SLC37A1: variants seen among roughly 807,000 people sequenced by gnomAD.
SLC37A1 encodes glucose-6-phosphate exchanger SLC37A1.
SLC37A1 carries 49 observed loss-of-function variants against 75.3 expected under a neutral mutation model. The ratio of observed to expected loss-of-function variants is 0.65; its 90% CI spans 0.52 to 0.83. SLC37A1 has a LOEUF of 0.83. Among genes scored for constraint, SLC37A1 ranks in the 40% least tolerant of loss-of-function variants. The pLI is 0.00. For missense variants in SLC37A1, 566 were observed against 695.0 expected (o/e 0.81, Z 2.09); for synonymous variants, 268 against 292.1 (o/e 0.92, Z 0.84).
intron 11 of SLC37A1, among the ~76,000 whole-genome samples, chr21:42,559,642 G>A (rs377755012): frequency 2.6e-4 from 40 of 152,240 alleles, no homozygotes; most frequent in African/African-American, 6.3e-4. Flanking sequence ...TTGGGAGGCC[G>A]AGGCAGGCAG....
intron 19 of SLC37A1, 121 bp downstream of exon 19, chr21:42,579,921 C>T (rs1315901343): frequency 2.1e-5 from 18 of 863,330 alleles, no homozygotes; most frequent in African/African-American, 6.7e-5. Flanking sequence ...TATCTTTTCA[C>T]GGCACGCCAC....
rs1175239848 is a variant in SLC37A1, at chr21:42,552,441, G to A, written c.769-1621G>A. Among the ~76,000 whole-genome samples, 1 of 152,236 alleles carries A rather than the reference G, an allele frequency of 6.6e-6. No individual in the cohort carries two copies. Among genetic ancestry groups the A allele is most frequent in the African/African-American group, 2.4e-5 (1 of 41,464 alleles). ...GGATGATGTGGGGTGTGCGTGTTGA[G>A]TGTCAGGGACACAGACTCCTCTTGT... On this transcript the variant is annotated intron_variant, in intron 9 of 19. Coordinates refer to ENST00000352133, the MANE Select transcript of SLC37A1 (RefSeq NM_001320537.2). The surrounding 1 kb of genome is among the most constrained non-coding windows in gnomAD (Gnocchi z 4.2).
At chr21:42,533,840 A>T (rs1740516852) in intron 3 of SLC37A1, among the ~76,000 whole-genome samples, 1 of 151,652 alleles carries the variant, frequency 6.6e-6, no homozygotes. Flanking sequence ...CAGTCACCAA[A>T]CTCCAGGGCG....
chr21:42,512,571 G>A (rs1237230914), upstream of SLC37A1, among the ~76,000 whole-genome samples: 1 of 152,210 alleles, frequency 6.6e-6, no homozygotes, highest in Non-Finnish European at 1.5e-5. Context: ...TGGAGAGCTA[G>A]AAAAGAGAGG....
intron 2 of SLC37A1, among the ~76,000 whole-genome samples, chr21:42,503,557 G>A (rs1205207775): frequency 6.6e-6 from 1 of 152,010 alleles, no homozygotes; most frequent in African/African-American, 2.4e-5. Flanking sequence ...CCTCCATTTT[G>A]TTTTTAAGAA....
chr21:42,555,569 GTACT>G (rs1217194273), intron 10 of SLC37A1, among the ~76,000 whole-genome samples: 2 of 152,062 alleles, frequency 1.3e-5, no homozygotes, highest in African/African-American at 2.4e-5. Context: ...TTTAAAATCT[GTACT>G]TACTTCTGAA....
Position 42,580,383 on chromosome 21 carries a change from G to C in SLC37A1, c.*23G>C. The C allele has an allele frequency of 6.2e-7, 1 of 1,612,272 alleles. No individual in the cohort carries two copies. The stretch of plus-strand genomic sequence containing the variant: ...TGACACCCCACCCCAGTCCCGTGGA[G>C]GGGGTCTGGGCCCACCCTTCACAAC... On this transcript the variant is annotated 3_prime_UTR_variant, in exon 20 of 20. Coordinates refer to ENST00000352133, the MANE Select transcript of SLC37A1 (RefSeq NM_001320537.2).
At chr21:42,579,349 C>T (rs773486563) in intron 18 of SLC37A1, among the ~76,000 whole-genome samples, 1 of 152,238 alleles carries the variant, frequency 6.6e-6, no homozygotes. Context: ...CTGGGCCACC[C>T]GCATTATGGT....
chr21:42,580,478 C>A lies in SLC37A1; in HGVS notation c.*118C>A. 2 of 1,147,366 alleles carry A rather than the reference C, an allele frequency of 1.7e-6. No homozygotes were observed. Among genetic ancestry groups the A allele is most frequent in the Non-Finnish European group, 2.5e-6 (2 of 811,900 alleles). 71.1% of individuals were successfully genotyped at this position (1,147,366 alleles called of 1,614,324 possible). ...GTGACCTCCCTTTGCCTTTTGCACA[C>A]GCACCTGGAAAAGACACAGAAGCCA... On this transcript the variant is annotated 3_prime_UTR_variant, in exon 20 of 20. Coordinates refer to ENST00000352133, the MANE Select transcript of SLC37A1 (RefSeq NM_001320537.2).
chr21:42,508,766 A>G (rs2054408197), intron 2 of SLC37A1: 1 of 152,188 alleles, frequency 6.6e-6, no homozygotes, highest in East Asian at 1.9e-4. Flanking sequence ...CTCAGTTACT[A>G]TTTCCCTTGC....
Position 42,534,765 on chromosome 21 carries a change from A to C in SLC37A1, c.206A>C (p.Lys69Thr), listed in dbSNP as rs927434907. The change falls in exon 4 of 20, where the codon AAG (lysine) becomes ACG (threonine). Residue 69 changes from lysine to threonine, a missense_variant. Physicochemically the swap from Lys to Thr is moderately conservative, Grantham distance 78. Transcript: ENST00000352133. Reference protein sequence around the residue: ...ADVRFSSQNRKSGSAAPHQLP... With the variant: ...ADVRFSSQNRTSGSAAPHQLP... ...GTCAGGTTCAGCAGCCAGAACAGGA[A>C]GTCTGGGTCCGCTGCCCCCCACCAG... is the stretch of plus-strand genomic sequence containing the variant. 1.4e-5 allele frequency: 23 copies of C among 1,614,048 alleles called. No homozygotes were observed. The highest frequency in any genetic ancestry group is 1.9e-5 in the Non-Finnish European group (23 of 1,179,982).
chr21:42,522,628 ATAGAAG>A (rs1476339517), intron 2 of SLC37A1, among the ~76,000 whole-genome samples: 1 of 152,256 alleles, frequency 6.6e-6, no homozygotes, highest in Non-Finnish European at 1.5e-5. Flanking sequence ...GAATTTGGAA[ATAGAAG>A]TAGAGTTGGC....
At chr21:42,522,865 C>T (rs976596233) in intron 2 of SLC37A1, among the ~76,000 whole-genome samples, 6 of 152,248 alleles carry the variant, frequency 3.9e-5, no homozygotes, top group Non-Finnish European at 8.8e-5. Context: ...CCCTTGTGTG[C>T]TCCTCAGTGT....
chr21:42,508,625 CCA>C (rs1161949839), intron 2 of SLC37A1: 1 of 152,184 alleles, frequency 6.6e-6, no homozygotes, highest in Non-Finnish European at 1.5e-5. Context: ...CAAGTTAGCC[CCA>C]GAGTGGAGCT....
intron 5 of SLC37A1, among the ~76,000 whole-genome samples, chr21:42,538,801 A>C: frequency 6.6e-6 from 1 of 152,188 alleles, no homozygotes; most frequent in South Asian, 2.1e-4. Flanking sequence ...TGTTTTAGTG[A>C]GGCGCTAAGC....
chr21:42,578,004 G>C (rs1259800364), intron 18 of SLC37A1, among the ~76,000 whole-genome samples: 2 of 152,234 alleles, frequency 1.3e-5, no homozygotes, highest in South Asian at 2.1e-4. Flanking sequence ...CCGTGAGCTT[G>C]AGTTGGGCTT....
chr21:42,572,148 ACC>A (rs954158745), intron 17 of SLC37A1, among the ~76,000 whole-genome samples: 2 of 151,716 alleles, frequency 1.3e-5, no homozygotes, highest in African/African-American at 4.8e-5. Context: ...TCTCTTCAGA[ACC>A]CCCGTCTTCC....
intron 18 of SLC37A1, among the ~76,000 whole-genome samples, chr21:42,579,226 G>C (rs113353233): frequency 0.024 from 3,591 of 152,320 alleles, 73 homozygotes; most frequent in Non-Finnish European, 0.037. Flanking sequence ...CCTCCAAGGG[G>C]CTCCCAGTGG....
Position 42,566,976 on chromosome 21 carries a change from C to T in SLC37A1, c.1271-9C>T. Reference sequence around the variant, plus strand: ...ACATTTCCATTCTTTGCCCCTCTGCCTCCCACAGCCATGCTGCTGCTCAGC... The same window carrying T: ...ACATTTCCATTCTTTGCCCCTCTGCTTCCCACAGCCATGCTGCTGCTCAGC... On this transcript the variant is annotated splice_polypyrimidine_tract_variant and intron_variant, in intron 15 of 19. Coordinates refer to ENST00000352133, the MANE Select transcript of SLC37A1 (RefSeq NM_001320537.2). The T allele has an allele frequency of 6.2e-7, 1 of 1,605,022 alleles. No homozygotes were observed. The highest frequency in any genetic ancestry group is 8.5e-7 in the Non-Finnish European group (1 of 1,179,606).
Sources: gnomAD v4.1 joint callset for allele counts (sites outside exome capture counted in the v4.1 genomes callset) on GRCh38, gnomAD v4.1.1 for gene constraint, Gnocchi (gnomAD v3.1) non-coding constraint, MANE v1.5 for transcripts, NCBI Gene and HGNC (gene_info 2026-07-23, HGNC 2026-07-21) for gene names.